SYT16: variants seen among roughly 807,000 people sequenced by gnomAD.
SYT16 encodes the protein synaptotagmin-16.
A neutral mutation model predicts 61.4 loss-of-function variants in SYT16; 42 were observed. The ratio of observed to expected loss-of-function variants is 0.68; its 90% confidence interval spans 0.53 to 0.89. The LOEUF (loss-of-function observed/expected upper bound fraction) is 0.89. SYT16 is among the 40% of genes least tolerant of loss of function. The pLI, the probability that SYT16 is intolerant of heterozygous loss-of-function variation, is 0.00. For missense variants in SYT16, 804 were observed against 807.3 expected (o/e 1.00, Z 0.05); for synonymous variants, 314 against 302.3 (o/e 1.04, Z -0.40).
intron 3 of SYT16, among the ~76,000 whole-genome samples, chr14:62,004,918 C>G (rs983103756): frequency 6.6e-6 from 1 of 152,186 alleles, no homozygotes; most frequent in African/African-American, 2.4e-5. Flanking sequence ...CTAGACCTCC[C>G]TTGACATCAC....
At chr14:61,892,318 A>G (rs1428994158) in intron 1 of SYT16, among the ~76,000 whole-genome samples, 1 of 149,374 alleles carries the variant, frequency 6.7e-6, no homozygotes, top group Non-Finnish European at 1.5e-5. Flanking sequence ...TCTAGCTGCT[A>G]CTCTCGCCCC....
At chr14:61,942,127 A>T (rs2050234494) in intron 1 of SYT16, among the ~76,000 whole-genome samples, 1 of 152,238 alleles carries the variant, frequency 6.6e-6, no homozygotes, top group African/African-American at 2.4e-5. Flanking sequence ...TTGCTTACAG[A>T]TGTAGATAAT....
intron 1 of SYT16, among the ~76,000 whole-genome samples, chr14:61,909,207 AC>A (rs1239192720): frequency 6.6e-6 from 1 of 152,204 alleles, no homozygotes; most frequent in Non-Finnish European, 1.5e-5. Context: ...ACTACAGGCA[AC>A]TTTTACTTTA....
chr14:61,968,550 A>G (rs1052002976), intron 1 of SYT16, among the ~76,000 whole-genome samples: 1 of 152,170 alleles, frequency 6.6e-6, no homozygotes, highest in Non-Finnish European at 1.5e-5. Flanking sequence ...GACTGCTCCT[A>G]GATATTTTAG....
At chr14:61,896,237 TG>T (rs1203715676) in intron 1 of SYT16, among the ~76,000 whole-genome samples, 4 of 152,180 alleles carry the variant, frequency 2.6e-5, no homozygotes, top group African/African-American at 9.7e-5. Flanking sequence ...CACACTGCTG[TG>T]GGGACCAAGC....
intron 1 of SYT16, among the ~76,000 whole-genome samples, chr14:61,819,161 A>T (rs1467457212): frequency 6.6e-6 from 1 of 152,230 alleles, no homozygotes; most frequent in Non-Finnish European, 1.5e-5. Context: ...TGGGACAGAC[A>T]TCTTGGGAGG....
intron 1 of SYT16, among the ~76,000 whole-genome samples, chr14:61,960,923 T>C (rs115914306): frequency 1.1e-3 from 174 of 152,276 alleles, no homozygotes; most frequent in African/African-American, 4.0e-3. Context: ...AACAGACACT[T>C]GTGTCAATGG....
chr14:62,043,265 C>A (rs1190677736), intron 3 of SYT16, among the ~76,000 whole-genome samples: 1 of 152,024 alleles, frequency 6.6e-6, no homozygotes, highest in African/African-American at 2.4e-5. Flanking sequence ...CTTGAATTAT[C>A]TCTGAGGAAT....
chr14:61,961,779 G>C (rs1354096687), intron 1 of SYT16, among the ~76,000 whole-genome samples: 2 of 152,104 alleles, frequency 1.3e-5, no homozygotes, highest in East Asian at 3.8e-4. Context: ...TATAGCCAAA[G>C]GAATATAAAT....
At chr14:61,891,547 G>T (rs577675530) in intron 1 of SYT16, among the ~76,000 whole-genome samples, 1 of 152,214 alleles carries the variant, frequency 6.6e-6, no homozygotes, top group Non-Finnish European at 1.5e-5. Context: ...GACAAGTAGG[G>T]CTGGAGGGAC....
chr14:62,060,353 T>C (rs529587754), intron 3 of SYT16, among the ~76,000 whole-genome samples: 1 of 152,212 alleles, frequency 6.6e-6, no homozygotes, highest in South Asian at 2.1e-4. Context: ...ATTTCATTTG[T>C]AATTTGTTAG....
At chr14:61,964,658 G>C (rs1430810710) in intron 1 of SYT16, among the ~76,000 whole-genome samples, 2 of 152,126 alleles carry the variant, frequency 1.3e-5, no homozygotes, top group Non-Finnish European at 2.9e-5. Flanking sequence ...AGTTTGAGAG[G>C]ATTTTGAAAG....
intron 3 of SYT16, among the ~76,000 whole-genome samples, chr14:62,023,676 A>G (rs893900529): frequency 6.6e-6 from 1 of 152,140 alleles, no homozygotes; most frequent in Non-Finnish European, 1.5e-5. Context: ...CTTAAGTCCT[A>G]CCTGTGCCAG....
intron 1 of SYT16, among the ~76,000 whole-genome samples, chr14:61,924,707 T>C (rs1035639787): frequency 6.6e-6 from 1 of 152,224 alleles, no homozygotes; most frequent in African/African-American, 2.4e-5. Flanking sequence ...AGCAGAAATA[T>C]TCCTCAGTTT....
intron 2 of SYT16, among the ~76,000 whole-genome samples, chr14:61,984,517 A>G (rs144131487): frequency 7.2e-5 from 11 of 152,256 alleles, no homozygotes; most frequent in East Asian, 3.9e-4. Context: ...AAATTTTAGT[A>G]TTTTGCTATC....
At chr14:61,832,605 T>G (rs940467901) in intron 1 of SYT16, among the ~76,000 whole-genome samples, 4 of 151,864 alleles carry the variant, frequency 2.6e-5, no homozygotes, top group South Asian at 2.1e-4. Context: ...CCTGGCTAAT[T>G]TTTTGTATTT....
At chr14:62,018,422 C>G (rs1444908570) in intron 3 of SYT16, among the ~76,000 whole-genome samples, 1 of 150,006 alleles carries the variant, frequency 6.7e-6, no homozygotes, top group Non-Finnish European at 1.5e-5. Context: ...ATTCTCCTAC[C>G]TCAGCCTCCC....
intron 1 of SYT16, among the ~76,000 whole-genome samples, chr14:61,887,637 T>C (rs1386309010): frequency 2.0e-5 from 3 of 152,264 alleles, no homozygotes; most frequent in African/African-American, 7.2e-5. Context: ...TGCTTTGCCT[T>C]GCACTTTTAT....
chr14:61,969,338 C>G (rs929512183), intron 1 of SYT16, among the ~76,000 whole-genome samples: 3 of 152,108 alleles, frequency 2.0e-5, no homozygotes, highest in African/African-American at 7.2e-5. Flanking sequence ...GGATTCTTCT[C>G]TAAACTCTGA....
Sources: gnomAD v4.1 joint callset for allele counts (sites outside exome capture counted in the v4.1 genomes callset) on GRCh38, gnomAD v4.1.1 for gene constraint, MANE v1.5 for transcripts, NCBI Gene and HGNC (gene_info 2026-07-23, HGNC 2026-07-21) for gene names.